The following GRK5 variants were observed in gnomAD, a reference collection of about 807,000 sequenced individuals.
The protein encoded by GRK5 is g protein-coupled receptor kinase GRK5.
In GRK5, 40 loss-of-function variants were observed where a neutral mutation model predicts 78.4. That is an observed-to-expected ratio of 0.51 (90% CI 0.40 to 0.66). GRK5 has a LOEUF of 0.66. Ranked by LOEUF, GRK5 falls within the 30% of genes least tolerant of loss-of-function variation. The pLI, the probability that GRK5 is intolerant of heterozygous loss-of-function variation, is 0.00. For missense variants in GRK5, 598 were observed against 759.9 expected, an observed-to-expected ratio of 0.79 and a Z score of 2.50; for synonymous variants, 289 against 296.8, an observed-to-expected ratio of 0.97 and a Z score of 0.27.
At chr10:119,425,268 T>TACAC (rs112640010) in intron 6 of GRK5, among the ~76,000 whole-genome samples, 183 bp downstream of exon 6, 5,866 of 126,678 alleles carry the variant, frequency 0.046, 189 homozygotes, top group Middle Eastern at 0.12. Context: ...CACACACACA[T>TACAC]ACACACACAC....
At chr10:119,250,861 A>G (rs1849187902) in intron 1 of GRK5, among the ~76,000 whole-genome samples, 2 of 152,204 alleles carry the variant, frequency 1.3e-5, no homozygotes, top group South Asian at 2.1e-4. Flanking sequence ...GCCCAGTCAC[A>G]CTGAGAACAA....
At chr10:119,337,194 T>C (rs1460524779) in intron 2 of GRK5, among the ~76,000 whole-genome samples, 1 of 152,158 alleles carries the variant, frequency 6.6e-6, no homozygotes, top group Non-Finnish European at 1.5e-5. Context: ...AGGGCTAAAT[T>C]TGAGTTTGAA....
Position 119,264,286 on chromosome 10 carries a change from C to G in GRK5, c.52+56317C>G, listed in dbSNP as rs1393893119. ...GTGACAGAAGCTCAACTCCAACTAG[C>G]TTAAGCAAAACAAATAAACAAAAAC... On this transcript the variant is annotated intron_variant, in intron 1 of 15. Coordinates refer to ENST00000392870, the MANE Select transcript of GRK5 (RefSeq NM_005308.3). This position sits in a 1 kb window ranked among gnomAD's most constrained non-coding sequence, Gnocchi z 4.1. 2.0e-5 allele frequency among the ~76,000 whole-genome samples: 3 copies of G among 152,172 alleles called. No individual in the cohort carries two copies. Among genetic ancestry groups the G allele is most frequent in the African/African-American group, 7.2e-5 (3 of 41,432 alleles).
intron 1 of GRK5, among the ~76,000 whole-genome samples, chr10:119,245,204 G>C (rs532934695): frequency 6.6e-6 from 1 of 152,260 alleles, no homozygotes; most frequent in Admixed American, 6.5e-5. Context: ...CTTGAACCCA[G>C]TAGGCGGAGG....
chr10:119,375,535 T>C (rs61499199), intron 2 of GRK5, among the ~76,000 whole-genome samples: 4,092 of 152,334 alleles, frequency 0.027, 109 homozygotes, highest in Admixed American at 0.06. Flanking sequence ...GACATTGTTA[T>C]GTGGCTTCTC....
chr10:119,214,184 AG>A (rs1455631974), intron 1 of GRK5, among the ~76,000 whole-genome samples: 1 of 152,176 alleles, frequency 6.6e-6, no homozygotes, highest in Non-Finnish European at 1.5e-5. Flanking sequence ...CATGTTGGCC[AG>A]GCTGGTCTCA....
At chr10:119,361,480 C>CAT (rs1291247008) in intron 2 of GRK5, among the ~76,000 whole-genome samples, 3 of 152,214 alleles carry the variant, frequency 2.0e-5, no homozygotes, top group Non-Finnish European at 4.4e-5. Context: ...GGCACACAAC[C>CAT]ATGGATAAGA....
intron 1 of GRK5, among the ~76,000 whole-genome samples, chr10:119,252,380 C>A (rs1470678829): frequency 6.6e-6 from 1 of 152,156 alleles, no homozygotes; most frequent in African/African-American, 2.4e-5. Context: ...CAGCTGGATC[C>A]TAGGGGCCAG....
intron 12 of GRK5, 23 bp from the exon 13 acceptor site, chr10:119,448,100 C>T: frequency 6.6e-7 from 1 of 1,522,826 alleles, no homozygotes; most frequent in Non-Finnish European, 8.8e-7. Flanking sequence ...GGGGACGTGG[C>T]TTCATGGGGC....
intron 1 of GRK5, among the ~76,000 whole-genome samples, chr10:119,324,204 C>T (rs1185783069): frequency 2.0e-5 from 3 of 152,232 alleles, no homozygotes; most frequent in Non-Finnish European, 2.9e-5. Flanking sequence ...ATAGCAAGAG[C>T]CAGGGCCCAG....
chr10:119,333,848 A>C lies in GRK5; in HGVS notation c.148+7237A>C, dbSNP rs753172315. ...CCAACTGAAATTAAGATGAGATGAC[A>C]AATCAAGAAAGTTCCACAGGGTATG... On this transcript the variant is annotated intron_variant, in intron 2 of 15. Coordinates refer to ENST00000392870, the MANE Select transcript of GRK5 (RefSeq NM_005308.3). The C allele has an allele frequency of 2.8e-5, 15 of 532,612 alleles. No homozygotes were observed. In the Middle Eastern group the frequency reaches 1.6e-3, roughly 56 times the overall value. The allele number at this position is 532,612 out of a possible 1,614,324, so 33.0% of individuals were successfully genotyped here. A position where few individuals can be genotyped will look rare whatever the true frequency, so the allele number is the denominator to read the frequency against.
chr10:119,261,074 G>A (rs1183573106), intron 1 of GRK5, among the ~76,000 whole-genome samples: 5 of 142,742 alleles, frequency 3.5e-5, no homozygotes, highest in South Asian at 2.4e-4. Context: ...GCGGCTGGCC[G>A]GGCGGAGACG....
At chr10:119,301,469 C>G (rs1850179980) in intron 1 of GRK5, among the ~76,000 whole-genome samples, 1 of 152,202 alleles carries the variant, frequency 6.6e-6, no homozygotes, top group Non-Finnish European at 1.5e-5. Flanking sequence ...CACAGCAGCC[C>G]CACGAAGTAC....
chr10:119,246,019 CAAAAAAAAAAA>C (rs941734040), intron 1 of GRK5, among the ~76,000 whole-genome samples: 4 of 14,036 alleles, frequency 2.8e-4, no homozygotes, highest in Admixed American at 7.2e-4. Flanking sequence ...GACTCCATCT[CAAAAAAAAAAA>C]AAAAAAAAAA....
In GRK5 at chr10:119,402,530, C is replaced by T. The variant is rs1025153279; in HGVS notation, c.339+5758C>T. Reference sequence around the variant, plus strand: ...AATAAGTGAAAACAGAATTATATTTCATCCAGCATTACAGATGACTTTTTG... The same window carrying T: ...AATAAGTGAAAACAGAATTATATTTTATCCAGCATTACAGATGACTTTTTG... On this transcript the variant is annotated intron_variant, in intron 4 of 15. Transcript: ENST00000392870. Among the ~76,000 whole-genome samples, 3 of 152,220 alleles carry T rather than the reference C, an allele frequency of 2.0e-5. No individual in the cohort carries two copies. In the South Asian group the frequency reaches 6.2e-4, roughly 32 times the overall value.
chr10:119,235,009 CTG>C (rs1848899988), intron 1 of GRK5, among the ~76,000 whole-genome samples: 1 of 152,106 alleles, frequency 6.6e-6, no homozygotes. Context: ...GAGTCTCACT[CTG>C]TTGCCCAGGC....
intron 13 of GRK5, among the ~76,000 whole-genome samples, chr10:119,451,370 ATT>A (rs1023173022): frequency 1.3e-5 from 2 of 151,902 alleles, no homozygotes; most frequent in African/African-American, 4.8e-5. Flanking sequence ...AAATACGCTC[ATT>A]TCTTAACATT....
In GRK5 at chr10:119,457,757, G is replaced by T. The variant is rs1371060071; in HGVS notation, c.*2690G>T. On this transcript the variant is annotated 3_prime_UTR_variant, in exon 16 of 16. Coordinates refer to ENST00000392870, the MANE Select transcript of GRK5 (RefSeq NM_005308.3). ...GCTGAAGTGCAGTGGCATGATTCTG[G>T]CTCACTGCAGCCTCAAACTCCTGAG... 1 of 148,750 alleles carries T rather than the reference G, an allele frequency of 6.7e-6. No individual in the cohort carries two copies. The highest frequency in any genetic ancestry group is 2.0e-4 in the East Asian group (1 of 5,080). 9.2% of individuals were successfully genotyped at this position (148,750 alleles called of 1,614,324 possible).
intron 1 of GRK5, among the ~76,000 whole-genome samples, chr10:119,303,199 G>T (rs1850212993): frequency 6.6e-6 from 1 of 152,206 alleles, no homozygotes; most frequent in Non-Finnish European, 1.5e-5. Context: ...TAAAACGCTA[G>T]TTGGACGAGA....
Sources: gnomAD v4.1 joint callset for allele counts (sites outside exome capture counted in the v4.1 genomes callset) on GRCh38, gnomAD v4.1.1 for gene constraint, Gnocchi (gnomAD v3.1) non-coding constraint, MANE v1.5 for transcripts, NCBI Gene and HGNC (gene_info 2026-07-23, HGNC 2026-07-21) for gene names.